Variants in FSTL5 observed in about 807,000 individuals in gnomAD.
The protein encoded by FSTL5 is follistatin-related protein 5.
A neutral mutation model predicts 89.1 loss-of-function variants in FSTL5; 62 were observed. That is an observed-to-expected ratio of 0.70 (90% CI 0.57 to 0.86). The LOEUF (loss-of-function observed/expected upper bound fraction) is 0.86, where lower values mean the gene tolerates loss of function less well. Ranked by LOEUF, FSTL5 falls within the 40% of genes least tolerant of loss-of-function variation. The pLI is 0.00. For missense variants in FSTL5, 1,057 were observed against 1,001.6 expected (o/e 1.06, Z -0.75); for synonymous variants, 383 against 346.2 (o/e 1.11, Z -1.18).
rs1303494342 is a variant in FSTL5 at position 161,869,032 on chromosome 4, G to A, written c.409+51372C>T. 4.6e-5 allele frequency among the ~76,000 whole-genome samples: 7 copies of A among 151,992 alleles called. No individual in the cohort carries two copies. In the East Asian group the frequency reaches 1.2e-3, roughly 25 times the overall value. On this transcript the variant is annotated intron_variant, in intron 4 of 15. Coordinates refer to ENST00000306100, the MANE Select transcript of FSTL5 (RefSeq NM_020116.5). ...AGGTCAGGAGTCCGAGACCAGCCTG[G>A]CCAACATGGTGAAACCTCGTCTCTA...
intron 3 of FSTL5, among the ~76,000 whole-genome samples, chr4:161,976,769 T>C (rs1485714826): frequency 5.9e-5 from 9 of 151,868 alleles, no homozygotes; most frequent in African/African-American, 1.9e-4. Context: ...GCGTGAGCCA[T>C]CGCGCCTGGC....
intron 2 of FSTL5, among the ~76,000 whole-genome samples, chr4:162,069,636 A>T (rs905105542): frequency 6.6e-6 from 1 of 151,956 alleles, no homozygotes; most frequent in Non-Finnish European, 1.5e-5. Flanking sequence ...GAGTTAGAGC[A>T]AGTGGTATTT....
intron 2 of FSTL5, among the ~76,000 whole-genome samples, chr4:162,046,434 G>C (rs542857131): frequency 6.6e-5 from 10 of 152,236 alleles, no homozygotes; most frequent in African/African-American, 2.2e-4. Flanking sequence ...GCTGCACAAA[G>C]GCACAGAGTT....
At chr4:161,877,393 G>T (rs1732479993) in intron 4 of FSTL5, among the ~76,000 whole-genome samples, 1 of 141,136 alleles carries the variant, frequency 7.1e-6, no homozygotes, top group Non-Finnish European at 1.5e-5. Flanking sequence ...AAATTACTAT[G>T]ATAATATAGT....
chr4:162,044,922 T>C (rs1031391058), intron 2 of FSTL5, among the ~76,000 whole-genome samples: 1 of 152,132 alleles, frequency 6.6e-6, no homozygotes, highest in Admixed American at 6.6e-5. Context: ...TGCTTTGGCT[T>C]GGGGGGAGGT....
At chr4:161,757,330 CTA>C (rs1740607315) in intron 6 of FSTL5, among the ~76,000 whole-genome samples, 1 of 151,954 alleles carries the variant, frequency 6.6e-6, no homozygotes. Context: ...CTATTTCCTT[CTA>C]TCTTATATGA....
In FSTL5 at chr4:161,460,223, T is replaced by C. The variant is rs187697583; in HGVS notation, c.1609-904A>G. On this transcript the variant is annotated intron_variant, in intron 13 of 15. Transcript: ENST00000306100. The stretch of plus-strand genomic sequence containing the variant: ...TATCCTTAGAGAATTTTCTTTTTTT[T>C]CTTTTTTCTTTTCTTTTTTATTATT... Among the ~76,000 whole-genome samples the C allele has an allele frequency of 4.3e-3, 658 of 152,192 alleles. 4 individuals carry two copies. The highest frequency in any genetic ancestry group is 0.011 in the African/African-American group (455 of 41,524).
chr4:162,052,013 G>A (rs17459897), intron 2 of FSTL5, among the ~76,000 whole-genome samples: 53,916 of 151,164 alleles, frequency 0.36, 10,411 homozygotes, highest in Non-Finnish European at 0.44. Flanking sequence ...GTTGTCATTA[G>A]CATTAATAAA....
rs747891092 is a variant in FSTL5 at position 161,500,112 on chromosome 4, G to A, written c.1362C>T (p.Phe454=). The A allele has an allele frequency of 1.9e-6, 3 of 1,597,304 alleles. No homozygotes were observed. The South Asian group carries it at 3.4e-5, about 18-fold the overall frequency. The change falls in exon 12 of 16, where the codon TTC becomes TTT. Residue 454 remains phenylalanine, a synonymous_variant. Transcript: ENST00000306100. The stretch of plus-strand genomic sequence containing the variant: ...TGATTCCATCTTCATAAAAAACATA[G>A]AACATGTTCCCAATTCCCAGACCTT... ...REEGLGIGNM[F]YVFYEDGIKV...
chr4:161,610,903 C>T (rs1734609736), intron 7 of FSTL5, among the ~76,000 whole-genome samples: 1 of 151,146 alleles, frequency 6.6e-6, no homozygotes, highest in Admixed American at 6.6e-5. Context: ...ATCTAGATGC[C>T]CAAAGCTATT....
intron 4 of FSTL5, among the ~76,000 whole-genome samples, chr4:161,903,614 A>G (rs1579182313): frequency 6.6e-6 from 1 of 152,118 alleles, no homozygotes; most frequent in East Asian, 1.9e-4. Flanking sequence ...TCTTAACAAA[A>G]GCCAGACAAG....
chr4:161,443,917 G>C (rs1314578069), intron 15 of FSTL5, among the ~76,000 whole-genome samples: 1 of 151,780 alleles, frequency 6.6e-6, no homozygotes, highest in Non-Finnish European at 1.5e-5. Flanking sequence ...GAAGGAGGGA[G>C]CTTCAATGTA....
intron 4 of FSTL5, among the ~76,000 whole-genome samples, chr4:161,838,475 G>A (rs898342642): frequency 6.6e-6 from 1 of 151,914 alleles, no homozygotes; most frequent in Non-Finnish European, 1.5e-5. Flanking sequence ...TAATAGAGAC[G>A]GGATTTCACC....
Position 161,478,971 on chromosome 4 carries a change from C to T in FSTL5, c.1608+2049G>A, listed in dbSNP as rs114447825. Among the ~76,000 whole-genome samples, 760 of 152,098 alleles carry T rather than the reference C, an allele frequency of 5.0e-3. 4 individuals carry two copies. Among genetic ancestry groups the T allele is most frequent in the African/African-American group, 0.016 (680 of 41,518 alleles). ...AATATCATACATATCCATTTATGCT[C>T]AAAATCAGTCAGTAGTTACATGTGG... On this transcript the variant is annotated intron_variant, in intron 13 of 15. Coordinates refer to ENST00000306100, the MANE Select transcript of FSTL5 (RefSeq NM_020116.5).
chr4:162,127,727 A>G (rs770428213), intron 1 of FSTL5, among the ~76,000 whole-genome samples: 1 of 152,166 alleles, frequency 6.6e-6, no homozygotes, highest in Non-Finnish European at 1.5e-5. Context: ...AGACATTACT[A>G]TGAAAATCTG....
At position 162,161,917 on chromosome 4, in the gene FSTL5, G is replaced by A. The variant is rs941705732; in HGVS notation, c.-17+1698C>T. On this transcript the variant is annotated intron_variant, in intron 1 of 15. Coordinates refer to ENST00000306100, the MANE Select transcript of FSTL5 (RefSeq NM_020116.5). ...AGAATGATTCTCTGTGTATTTAAAG[G>A]AGATTATGTTGTATAAACTTCCTAG... Among the ~76,000 whole-genome samples, 12 of 152,058 alleles carry A rather than the reference G, an allele frequency of 7.9e-5. 1 individual carries two copies. The South Asian group carries it at 1.5e-3, about 18-fold the overall frequency.
intron 1 of FSTL5, among the ~76,000 whole-genome samples, chr4:162,120,641 G>A (rs1007568263): frequency 6.6e-6 from 1 of 151,960 alleles, no homozygotes; most frequent in African/African-American, 2.4e-5. Context: ...TGTGAAGTGA[G>A]TCAAAAAATT....
intron 7 of FSTL5, among the ~76,000 whole-genome samples, chr4:161,591,539 C>T (rs1368018416): frequency 2.0e-5 from 3 of 151,794 alleles, no homozygotes; most frequent in Non-Finnish European, 2.9e-5. Context: ...ATAAATATGC[C>T]ATAATAAAAC....
chr4:161,807,187 A>T (rs1729995423), intron 4 of FSTL5, among the ~76,000 whole-genome samples: 1 of 127,046 alleles, frequency 7.9e-6, no homozygotes, highest in South Asian at 2.8e-4. Context: ...TTTGAAGAAC[A>T]CATGAGAATA....
Sources: allele counts gnomAD v4.1 joint callset (sites outside exome capture counted in the v4.1 genomes callset), GRCh38; gene constraint gnomAD v4.1.1; transcripts MANE v1.5; gene names NCBI Gene and HGNC (gene_info 2026-07-23, HGNC 2026-07-21).